The following HLCS variants were observed in gnomAD, a reference collection of about 807,000 sequenced individuals.
HLCS encodes the protein biotin--protein ligase.
In HLCS, 53 loss-of-function variants were observed where a neutral mutation model predicts 75.0. That is an observed-to-expected ratio of 0.71 (90% CI 0.57 to 0.89). The LOEUF (loss-of-function observed/expected upper bound fraction) is 0.89, where lower values mean the gene tolerates loss of function less well. HLCS is among the 40% of genes least tolerant of loss of function. The probability of loss-of-function intolerance (pLI) is 0.00; values close to 1 mark genes in which losing one functional copy is unlikely to be tolerated. For synonymous variants in HLCS, 431 were observed against 428.6 expected (o/e 1.01, Z -0.07); for missense variants, 966 against 1,074.0 (o/e 0.90, Z 1.41).
chr21:36,940,103 AG>A (rs2067075906), intron 2 of HLCS, among the ~76,000 whole-genome samples: 1 of 152,306 alleles, frequency 6.6e-6, no homozygotes, highest in East Asian at 1.9e-4. Flanking sequence ...ATGAGATCAA[AG>A]AGTATACGTA....
intron 2 of HLCS, among the ~76,000 whole-genome samples, chr21:36,955,342 A>C (rs1203795381): frequency 6.6e-6 from 1 of 152,144 alleles, no homozygotes; most frequent in Non-Finnish European, 1.5e-5. Context: ...CTATAATTCC[A>C]GTGCTTGGTG....
intron 6 of HLCS, among the ~76,000 whole-genome samples, chr21:36,886,161 G>A (rs1427721150): frequency 3.3e-5 from 5 of 151,960 alleles, no homozygotes; most frequent in East Asian, 3.9e-4. Context: ...GCCAGGCACC[G>A]TGGCTCAGGC....
chr21:36,903,779 T>C (rs572586583), intron 5 of HLCS, among the ~76,000 whole-genome samples: 56 of 152,178 alleles, frequency 3.7e-4, no homozygotes, highest in Non-Finnish European at 6.6e-4. Flanking sequence ...AGGACAGATA[T>C]TGCTATAGTT....
chr21:36,794,446 A>AG (rs1208539845), intron 6 of HLCS, among the ~76,000 whole-genome samples: 1 of 152,250 alleles, frequency 6.6e-6, no homozygotes, highest in Non-Finnish European at 1.5e-5. Context: ...TATTCCAGGC[A>AG]GAGGCAGCGG....
chr21:36,853,581 A>C (rs993547965), intron 6 of HLCS, among the ~76,000 whole-genome samples: 1 of 152,260 alleles, frequency 6.6e-6, no homozygotes, highest in Admixed American at 6.5e-5. Flanking sequence ...AGCAGATTAA[A>C]CTAAATGTCT....
At chr21:36,894,461 TCTC>T (rs1399174926) in intron 6 of HLCS, among the ~76,000 whole-genome samples, 2 of 152,202 alleles carry the variant, frequency 1.3e-5, no homozygotes, top group Non-Finnish European at 2.9e-5. Context: ...TCAAATGTCT[TCTC>T]CTTAAAAAGG....
chr21:36,896,072 G>T (rs1476383329), intron 6 of HLCS, among the ~76,000 whole-genome samples: 10 of 152,188 alleles, frequency 6.6e-5, no homozygotes, highest in Admixed American at 6.5e-4. Context: ...ATGGGGGTTG[G>T]GAATGGGTGG....
Position 36,751,638 on chromosome 21 carries a change from A to T in HLCS, c.*2608T>A, listed in dbSNP as rs767127723. On this transcript the variant is annotated 3_prime_UTR_variant, in exon 11 of 11. Transcript: ENST00000674895. ...AAACTCAACCACGATTTTCCTTTGC[A>T]CACAAATCCTTCCTACTTCCACCAC... is the stretch of plus-strand genomic sequence containing the variant. 1.3e-5 allele frequency: 2 copies of T among 152,284 alleles called. No homozygotes were observed. Among genetic ancestry groups the T allele is most frequent in the Non-Finnish European group, 2.9e-5 (2 of 68,086 alleles). The allele number at this position is 152,284 out of a possible 1,614,324, so 9.4% of individuals were successfully genotyped here. A position where few individuals can be genotyped will look rare whatever the true frequency, so the allele number is the denominator to read the frequency against.
At position 36,962,551 on chromosome 21, in the gene HLCS, G is replaced by A. The variant is rs529711863; in HGVS notation, c.196-381C>T. Among the ~76,000 whole-genome samples the A allele has an allele frequency of 2.6e-5, 4 of 152,126 alleles. No homozygotes were observed. The South Asian group carries it at 8.3e-4, about 32-fold the overall frequency. ...GCCTGTAATCCTAGCACTTTGGGAG[G>A]CCAAGGTGGGCAGATCGCTTGAGCC... On this transcript the variant is annotated intron_variant, in intron 1 of 10. Transcript: ENST00000674895.
chr21:36,924,614 C>A (rs192746823), intron 5 of HLCS, among the ~76,000 whole-genome samples: 1 of 152,138 alleles, frequency 6.6e-6, no homozygotes, highest in East Asian at 1.9e-4. Flanking sequence ...CTGTCCTGTA[C>A]GCCAGCTTCC....
rs188279395 is a variant in HLCS, at chr21:36,758,129, G to A, written c.2237-1374C>T. Among the ~76,000 whole-genome samples, 11 of 151,832 alleles carry A rather than the reference G, an allele frequency of 7.2e-5. No individual in the cohort carries two copies. In the East Asian group the frequency reaches 2.1e-3, roughly 29 times the overall value. ...TTTTATTTATTTATTTTTTGGAGACGGGGTCTCACTCCAGTTGCCCAGACT... is the reference window on the plus strand; with the variant it reads ...TTTTATTTATTTATTTTTTGGAGACAGGGTCTCACTCCAGTTGCCCAGACT... On this transcript the variant is annotated intron_variant, in intron 9 of 10. Transcript: ENST00000674895.
intron 6 of HLCS, among the ~76,000 whole-genome samples, chr21:36,872,935 CCCA>C (rs1464535941): frequency 6.6e-6 from 1 of 152,094 alleles, no homozygotes; most frequent in African/African-American, 2.4e-5. Context: ...ATTTTATATT[CCCA>C]CCAACGATGT....
intron 6 of HLCS, among the ~76,000 whole-genome samples, chr21:36,860,378 C>T (rs943219120): frequency 6.6e-6 from 1 of 151,906 alleles, no homozygotes; most frequent in African/African-American, 2.4e-5. Context: ...AAGCCACACC[C>T]GCCAGGAAGT....
chr21:36,900,222 A>T (rs1044788766), intron 5 of HLCS, among the ~76,000 whole-genome samples: 1 of 152,226 alleles, frequency 6.6e-6, no homozygotes, highest in Non-Finnish European at 1.5e-5. Context: ...CACAGAAGAG[A>T]GGGAGGCCAC....
chr21:36,966,451 T>C lies in HLCS; in HGVS notation c.188A>G (p.Asp63Gly). Reference sequence around the variant, plus strand: ...CCCGCCCGACCCGCCCACCTGGCTGTCGCTGACGCAGAAGACGCGGCCGCC... The same window carrying C: ...CCCGCCCGACCCGCCCACCTGGCTGCCGCTGACGCAGAAGACGCGGCCGCC... Reference protein sequence around the residue: ...SRGGRVFCVSDSQSIEDLNKW... With the variant: ...SRGGRVFCVSGSQSIEDLNKW... Residue 63 changes from aspartate (D) to glycine (G), a missense_variant, in exon 1 of 11, where the codon GAC (aspartate) becomes GGC (glycine). Asp to Gly is a moderately conservative substitution (Grantham distance 94, BLOSUM62 -1). Transcript: ENST00000674895. The C allele has an allele frequency of 4.2e-6, 1 of 239,222 alleles. No homozygotes were observed. Among genetic ancestry groups the C allele is most frequent in the Non-Finnish European group, 6.3e-6 (1 of 159,914 alleles). 14.8% of individuals were successfully genotyped at this position (239,222 alleles called of 1,614,324 possible).
chr21:36,988,692 G>A (rs764967949), intron 1 of HLCS, among the ~76,000 whole-genome samples: 8 of 152,198 alleles, frequency 5.3e-5, no homozygotes, highest in Non-Finnish European at 1.0e-4. Context: ...GAGAGCATCT[G>A]TTACCCCACA....
chr21:36,806,323 C>T (rs2061358784), intron 6 of HLCS: 1 of 152,186 alleles, frequency 6.6e-6, no homozygotes, highest in Admixed American at 6.5e-5. Context: ...CACCTCACTG[C>T]CCTGGCCCAC....
intron 6 of HLCS, among the ~76,000 whole-genome samples, chr21:36,876,679 T>C (rs2063992444): frequency 6.6e-6 from 1 of 152,228 alleles, no homozygotes; most frequent in Non-Finnish European, 1.5e-5. Flanking sequence ...GCACATAGTC[T>C]ACCTTGGTGA....
At chr21:36,791,089 A>G (rs1384368877) in intron 6 of HLCS, among the ~76,000 whole-genome samples, 1 of 152,244 alleles carries the variant, frequency 6.6e-6, no homozygotes, top group Non-Finnish European at 1.5e-5. Context: ...GACATGAATC[A>G]TAATAGAAAA....
Sources: allele counts gnomAD v4.1 joint callset (sites outside exome capture counted in the v4.1 genomes callset), GRCh38; gene constraint gnomAD v4.1.1; transcripts MANE v1.5; gene names NCBI Gene and HGNC (gene_info 2026-07-23, HGNC 2026-07-21).